Variants in LTBP1 observed in about 807,000 individuals in gnomAD.
The protein encoded by LTBP1 is latent transforming growth factor beta binding protein 1, also known as latent-transforming growth factor beta-binding protein 1.
Under a neutral mutation model 207.6 loss-of-function variants are expected in LTBP1, and 129 were observed. That is an observed-to-expected ratio of 0.62 (90% CI 0.54 to 0.72). LTBP1 has a LOEUF of 0.72. Ranked by LOEUF, LTBP1 falls within the 30% of genes least tolerant of loss-of-function variation. The probability of loss-of-function intolerance (pLI) is 0.00; values close to 1 mark genes in which losing one functional copy is unlikely to be tolerated. For missense variants in LTBP1, 2,281 were observed against 2,217.2 expected, an observed-to-expected ratio of 1.03 and a Z score of -0.58; for synonymous variants, 963 against 833.7, an observed-to-expected ratio of 1.16 and a Z score of -2.67.
At chr2:33,017,323 T>C (rs1174844104) in intron 2 of LTBP1, among the ~76,000 whole-genome samples, 1 of 152,230 alleles carries the variant, frequency 6.6e-6, no homozygotes, top group African/African-American at 2.4e-5. Context: ...AACTTGCTGC[T>C]GGAAGACCTG....
chr2:33,181,506 G>A (rs926951954), intron 5 of LTBP1, among the ~76,000 whole-genome samples: 1 of 152,108 alleles, frequency 6.6e-6, no homozygotes, highest in Non-Finnish European at 1.5e-5. Flanking sequence ...TTTTACAGTT[G>A]TACCGTGAGA....
Position 33,199,370 on chromosome 2 carries a change from A to G in LTBP1, c.1701+10519A>G, listed in dbSNP as rs535080259. ...TGGTGTGGTGCTGAAAAAAATGTAT[A>G]TTCTGTTGATTTGGGGTGGAGGGTT... On this transcript the variant is annotated intron_variant, in intron 7 of 33. Coordinates refer to ENST00000404816, the MANE Select transcript of LTBP1 (RefSeq NM_206943.4). Among the ~76,000 whole-genome samples, 36 of 152,304 alleles carry G rather than the reference A, an allele frequency of 2.4e-4. No homozygotes were observed. The South Asian group carries it at 7.3e-3, about 31-fold the overall frequency.
intron 23 of LTBP1, among the ~76,000 whole-genome samples, chr2:33,313,633 G>C (rs2094218603): frequency 6.6e-6 from 1 of 152,212 alleles, no homozygotes; most frequent in African/African-American, 2.4e-5. Flanking sequence ...CCTTAGTGGA[G>C]GTATGCCTCC....
At chr2:33,071,228 T>C (rs2077769827) in intron 3 of LTBP1, among the ~76,000 whole-genome samples, 1 of 152,232 alleles carries the variant, frequency 6.6e-6, no homozygotes, top group Non-Finnish European at 1.5e-5. Context: ...TGGTTCCTCA[T>C]GGCTTTTGGC....
Position 33,049,776 on chromosome 2 carries a change from C to G in LTBP1, c.863+28570C>G, listed in dbSNP as rs144290499. Among the ~76,000 whole-genome samples the G allele has an allele frequency of 2.0e-5, 3 of 152,136 alleles. No individual in the cohort carries two copies. The East Asian group carries it at 5.8e-4, about 29-fold the overall frequency. ...AGAAGGAACTTTGAGATTCTCTAAT[C>G]CTGGTATAGAACATGCATATAATTT... On this transcript the variant is annotated intron_variant, in intron 3 of 33. Coordinates refer to ENST00000404816, the MANE Select transcript of LTBP1 (RefSeq NM_206943.4).
At chr2:33,155,264 C>G (rs2083877767) in intron 5 of LTBP1, among the ~76,000 whole-genome samples, 1 of 152,056 alleles carries the variant, frequency 6.6e-6, no homozygotes, top group Admixed American at 6.6e-5. Context: ...TACGGTTTCA[C>G]CATATTGGCC....
At chr2:33,153,845 C>T (rs2083734940) in intron 5 of LTBP1, among the ~76,000 whole-genome samples, 1 of 149,722 alleles carries the variant, frequency 6.7e-6, no homozygotes, top group East Asian at 2.0e-4. Context: ...GCACTTGTGC[C>T]AGAGATCCAC....
intron 9 of LTBP1, among the ~76,000 whole-genome samples, chr2:33,226,706 T>C (rs1182942467): frequency 6.6e-6 from 1 of 152,240 alleles, no homozygotes; most frequent in East Asian, 1.9e-4. Context: ...TCTGGGTCAC[T>C]GTCGTGGCAT....
chr2:33,290,273 A>G lies in LTBP1; in HGVS notation c.3113-2887A>G, dbSNP rs570245973. On this transcript the variant is annotated intron_variant, in intron 19 of 33. Transcript: ENST00000404816. The stretch of plus-strand genomic sequence containing the variant: ...ACTTCCCTATGCTGCCACCTTGACA[A>G]CCAAGCCTCAACATGAGTTTTAGCA... 9.8e-4 allele frequency among the ~76,000 whole-genome samples: 150 copies of G among 152,340 alleles called. 2 individuals carry two copies. The highest frequency in any genetic ancestry group is 3.4e-3 in the Middle Eastern group (1 of 294).
chr2:32,997,870 G>A (rs1396621746), intron 2 of LTBP1, among the ~76,000 whole-genome samples: 2 of 152,184 alleles, frequency 1.3e-5, no homozygotes, highest in Admixed American at 6.5e-5. Context: ...GAACCCAGCA[G>A]TTACTGGCAA....
chr2:33,339,716 G>T (rs1051084038), intron 24 of LTBP1, among the ~76,000 whole-genome samples: 1 of 151,598 alleles, frequency 6.6e-6, no homozygotes, highest in Non-Finnish European at 1.5e-5. Flanking sequence ...TGTGATCTCG[G>T]CCCACTGCAA....
At chr2:33,031,496 A>G (rs116138846) in intron 3 of LTBP1, among the ~76,000 whole-genome samples, 144 of 152,340 alleles carry the variant, frequency 9.5e-4, no homozygotes, top group African/African-American at 3.3e-3. Flanking sequence ...TGTGTCTGCA[A>G]AATACTGAAT....
intron 22 of LTBP1, among the ~76,000 whole-genome samples, chr2:33,302,770 A>T (rs2094009429): frequency 6.6e-6 from 1 of 152,124 alleles, no homozygotes; most frequent in South Asian, 2.1e-4. Flanking sequence ...TGTAATCAAT[A>T]TACCTATTGA....
chr2:33,199,977 G>A (rs1370946488), intron 7 of LTBP1, among the ~76,000 whole-genome samples: 5 of 152,062 alleles, frequency 3.3e-5, no homozygotes, highest in Non-Finnish European at 5.9e-5. Flanking sequence ...AATAAAAGAG[G>A]ATACAAACAA....
At chr2:33,008,905 C>A (rs965268467) in intron 2 of LTBP1, among the ~76,000 whole-genome samples, 5 of 152,172 alleles carry the variant, frequency 3.3e-5, no homozygotes, top group Non-Finnish European at 7.4e-5. Context: ...GTGCAAGGCC[C>A]TGTGATGGAA....
chr2:33,361,995 A>T (rs1187888878), intron 28 of LTBP1, among the ~76,000 whole-genome samples: 1 of 152,158 alleles, frequency 6.6e-6, no homozygotes, highest in Non-Finnish European at 1.5e-5. Flanking sequence ...AGTGTGCACA[A>T]GTTCATAATG....
intron 15 of LTBP1, among the ~76,000 whole-genome samples, chr2:33,267,216 C>T (rs536257856): frequency 6.6e-6 from 1 of 152,204 alleles, no homozygotes; most frequent in African/African-American, 2.4e-5. Flanking sequence ...GTGGCTGGAC[C>T]CCATGCTTGC....
At chr2:33,174,432 A>G (rs1472615143) in intron 5 of LTBP1, among the ~76,000 whole-genome samples, 2 of 152,216 alleles carry the variant, frequency 1.3e-5, no homozygotes, top group Admixed American at 6.5e-5. Flanking sequence ...TAAAATACTT[A>G]GGAATCCAAC....
chr2:33,213,327 A>G (rs1201129981), intron 7 of LTBP1, among the ~76,000 whole-genome samples: 2 of 152,222 alleles, frequency 1.3e-5, no homozygotes, highest in South Asian at 2.1e-4. Context: ...AAGGCTTTCC[A>G]TGTTAATGTA....
Sources: gnomAD v4.1 joint callset for allele counts (sites outside exome capture counted in the v4.1 genomes callset) on GRCh38, gnomAD v4.1.1 for gene constraint, MANE v1.5 for transcripts, NCBI Gene and HGNC (gene_info 2026-07-23, HGNC 2026-07-21) for gene names.